The following STIM2 variants were observed in gnomAD, a reference collection of about 807,000 sequenced individuals.
STIM2 encodes stromal interaction molecule 2.
In STIM2, 31 loss-of-function variants were observed where a neutral mutation model predicts 85.8. That is an observed-to-expected ratio of 0.36 (90% CI 0.27 to 0.49). STIM2 has a LOEUF of 0.49. Among genes scored for constraint, STIM2 ranks in the 20% least tolerant of loss-of-function variants. STIM2 has a pLI of 0.98. For missense variants in STIM2, 841 were observed against 927.6 expected, an observed-to-expected ratio of 0.91 and a Z score of 1.21; for synonymous variants, 356 against 331.1, an observed-to-expected ratio of 1.08 and a Z score of -0.82.
intron 1 of STIM2, among the ~76,000 whole-genome samples, chr4:26,917,414 A>C (rs1724625039): frequency 6.6e-6 from 1 of 152,144 alleles, no homozygotes; most frequent in Non-Finnish European, 1.5e-5. Flanking sequence ...GGTGCTCATT[A>C]GATAGTTGTT....
intron 1 of STIM2, among the ~76,000 whole-genome samples, chr4:26,884,869 C>T (rs1196340044): frequency 6.6e-6 from 1 of 152,176 alleles, no homozygotes; most frequent in Non-Finnish European, 1.5e-5. Context: ...AACACGAGTT[C>T]ACAGAACTGG....
At chr4:26,885,007 A>C (rs1723161941) in intron 1 of STIM2, among the ~76,000 whole-genome samples, 1 of 152,206 alleles carries the variant, frequency 6.6e-6, no homozygotes, top group Non-Finnish European at 1.5e-5. Flanking sequence ...TTTGGAGTCA[A>C]ATTATTTCTA....
intron 1 of STIM2, among the ~76,000 whole-genome samples, chr4:26,880,322 T>G (rs781450998): frequency 1.2e-4 from 19 of 152,162 alleles, no homozygotes; most frequent in Non-Finnish European, 2.4e-4. Context: ...TTTCAGGACT[T>G]TTTTTGGTGA....
intron 1 of STIM2, among the ~76,000 whole-genome samples, chr4:26,864,948 A>G (rs181579194): frequency 6.6e-6 from 1 of 152,258 alleles, no homozygotes; most frequent in African/African-American, 2.4e-5. Context: ...TTTTATTAGT[A>G]GTTGGTTTGC....
At chr4:26,890,696 C>T (rs1349815155) in intron 1 of STIM2, among the ~76,000 whole-genome samples, 4 of 150,892 alleles carry the variant, frequency 2.7e-5, no homozygotes, top group African/African-American at 4.8e-5. Flanking sequence ...TAGTGGCGGG[C>T]GCCTGTAGTC....
intron 1 of STIM2, among the ~76,000 whole-genome samples, chr4:26,897,585 A>G (rs536867887): frequency 6.6e-6 from 1 of 152,320 alleles, no homozygotes; most frequent in South Asian, 2.1e-4. Flanking sequence ...GAGTATTTCA[A>G]AGAAAATCAG....
intron 1 of STIM2, among the ~76,000 whole-genome samples, chr4:26,892,108 G>A (rs1030267149): frequency 2.0e-5 from 3 of 152,144 alleles, no homozygotes; most frequent in Non-Finnish European, 4.4e-5. Flanking sequence ...TGCCATAATT[G>A]TGAGGCCTCC....
chr4:27,022,757 A>T lies in STIM2; in HGVS notation c.2002A>T (p.Ser668Cys), dbSNP rs1220698308. The T allele has an allele frequency of 7.4e-6, 12 of 1,614,094 alleles. No homozygotes were observed. The highest frequency in any genetic ancestry group is 1.0e-5 in the Non-Finnish European group (12 of 1,180,048). ...TAAGAGTATGATCTTCAGTCCTGCAAGCAAAGTGTACAATGGCATTTTGGA... is the reference window on the plus strand; with the variant it reads ...TAAGAGTATGATCTTCAGTCCTGCATGCAAAGTGTACAATGGCATTTTGGA... Residue 668 changes from serine (S) to cysteine (C), a missense_variant, in exon 12 of 12, where the codon AGC (serine) becomes TGC (cysteine). Ser to Cys is a moderately radical substitution (Grantham distance 112). Around this residue, in one of 3 missense-constraint regions of STIM2, gnomAD observed 293 missense variants for 284.5 expected, o/e 1.03. Coordinates refer to ENST00000467087, the MANE Select transcript of STIM2 (RefSeq NM_020860.4).
intron 3 of STIM2, among the ~76,000 whole-genome samples, chr4:26,966,866 T>C (rs1009480452): frequency 1.3e-5 from 2 of 152,152 alleles, no homozygotes; most frequent in African/African-American, 4.8e-5. Context: ...AAAGCTTATA[T>C]CTTTCTATCT....
At chr4:26,917,908 A>G (rs1392979460) in intron 1 of STIM2, among the ~76,000 whole-genome samples, 1 of 152,160 alleles carries the variant, frequency 6.6e-6, no homozygotes. Flanking sequence ...ATAATTGCAA[A>G]TAAATCCAAA....
chr4:26,958,438 A>C (rs2109094090), intron 3 of STIM2, among the ~76,000 whole-genome samples: 1 of 152,280 alleles, frequency 6.6e-6, no homozygotes, highest in Non-Finnish European at 1.5e-5. Context: ...TTTCTCTGAA[A>C]AATTAAACGA....
chr4:26,943,666 G>A (rs971946188), intron 2 of STIM2, among the ~76,000 whole-genome samples: 1 of 152,022 alleles, frequency 6.6e-6, no homozygotes, highest in Admixed American at 6.6e-5. Flanking sequence ...TGCTAGCAGC[G>A]CTCCGTTAGT....
At chr4:26,954,388 A>T (rs892724430) in intron 2 of STIM2, among the ~76,000 whole-genome samples, 2 of 125,688 alleles carry the variant, frequency 1.6e-5, no homozygotes, top group South Asian at 2.5e-4. Flanking sequence ...AGGTTTGCAT[A>T]TAATTGGGTG....
chr4:26,988,572 A>G (rs1488914397), intron 3 of STIM2, among the ~76,000 whole-genome samples: 1 of 152,202 alleles, frequency 6.6e-6, no homozygotes, highest in African/African-American at 2.4e-5. Context: ...GTGTTCCTGC[A>G]CAATGTTTAA....
chr4:26,997,674 A>G (rs1728007866), intron 4 of STIM2, among the ~76,000 whole-genome samples: 1 of 152,234 alleles, frequency 6.6e-6, no homozygotes, highest in African/African-American at 2.4e-5. Context: ...GCTATTATAC[A>G]AACATTTATC....
At chr4:26,908,027 C>G (rs1171896746) in intron 1 of STIM2, among the ~76,000 whole-genome samples, 1 of 152,128 alleles carries the variant, frequency 6.6e-6, no homozygotes, top group Non-Finnish European at 1.5e-5. Context: ...CTCTGCTTCT[C>G]AGTTGGAAAT....
intron 3 of STIM2, among the ~76,000 whole-genome samples, chr4:26,989,777 A>C (rs7681802): frequency 0.35 from 52,681 of 152,040 alleles, 9,398 homozygotes; most frequent in East Asian, 0.62. Flanking sequence ...ACAGGATACA[A>C]AATCAACCTA....
rs143717452 is a variant in STIM2, at chr4:26,967,972, C to T, written c.397+10246C>T. ...AGGCAGGAAGATCAGTAGTTTGAGA[C>T]TAGCCTGGCCAACAAAGTGAGACTC... On this transcript the variant is annotated intron_variant, in intron 3 of 11. Coordinates refer to ENST00000467087, the MANE Select transcript of STIM2 (RefSeq NM_020860.4). Among the ~76,000 whole-genome samples the T allele has an allele frequency of 5.7e-3, 874 of 152,162 alleles. 7 individuals are homozygous for T. The highest frequency in any genetic ancestry group is 0.019 in the African/African-American group (804 of 41,510).
At chr4:26,884,919 C>T (rs1297571253) in intron 1 of STIM2, among the ~76,000 whole-genome samples, 1 of 152,182 alleles carries the variant, frequency 6.6e-6, no homozygotes, top group Non-Finnish European at 1.5e-5. Flanking sequence ...AGATTCACAT[C>T]CTTAACCAGT....
Sources: allele counts gnomAD v4.1 joint callset (sites outside exome capture counted in the v4.1 genomes callset), GRCh38; gene constraint gnomAD v4.1.1; regional missense constraint gnomAD v4.1.1; transcripts MANE v1.5; gene names NCBI Gene and HGNC (gene_info 2026-07-23, HGNC 2026-07-21).